CWF19L2: variants seen among roughly 807,000 people sequenced by gnomAD.
CWF19L2 encodes the protein CWF19-like protein 2.
CWF19L2 carries 98 observed loss-of-function variants against 111.7 expected under a neutral mutation model. That is an observed-to-expected ratio of 0.88 (90% CI 0.75 to 1.04). The LOEUF is 1.04. Ranked by LOEUF, CWF19L2 falls within the 50% of genes least tolerant of loss-of-function variation. CWF19L2 has a pLI of 0.00. For synonymous variants in CWF19L2, 351 were observed against 342.9 expected (o/e 1.02, Z -0.26); for missense variants, 1,101 against 1,051.4 (o/e 1.05, Z -0.65).
At chr11:107,434,566 C>G (rs1861513503) in intron 6 of CWF19L2, among the ~76,000 whole-genome samples, 1 of 151,336 alleles carries the variant, frequency 6.6e-6, no homozygotes, top group Admixed American at 6.6e-5. Context: ...TAGCAGAACA[C>G]TGCAATAATC....
rs1433267731 is a variant in CWF19L2 at position 107,429,308 on chromosome 11, T to C, written c.924A>G (p.Val308=). The C allele has an allele frequency of 5.6e-6, 9 of 1,612,410 alleles. No homozygotes were observed. Among genetic ancestry groups the C allele is most frequent in the Non-Finnish European group, 5.9e-6 (7 of 1,179,086 alleles). Residue 308 remains valine (V), a synonymous_variant, in exon 8 of 18, where the codon GTA becomes GTG. Transcript: ENST00000282251. Reference sequence around the variant, plus strand: ...TATCCCTTGAACTGTTACCATATTTTACTAAGTCTGATTCTCTACTTTCTT... The same window carrying C: ...TATCCCTTGAACTGTTACCATATTTCACTAAGTCTGATTCTCTACTTTCTT... ...NCQESRESDL[V]KYGNSSRDRY...
chr11:107,447,947 C>T (rs1426161846), intron 3 of CWF19L2, among the ~76,000 whole-genome samples: 1 of 151,904 alleles, frequency 6.6e-6, no homozygotes, highest in African/African-American at 2.4e-5. Context: ...AACTGAAAAA[C>T]ATTAGAAAGA....
At chr11:107,449,469 G>T (rs147217265) in intron 3 of CWF19L2, among the ~76,000 whole-genome samples, 14 of 151,964 alleles carry the variant, frequency 9.2e-5, no homozygotes, top group Middle Eastern at 3.4e-3. Context: ...TTATTTAAAA[G>T]ATAACTGACT....
chr11:107,331,406 G>C (rs1247758493), intron 16 of CWF19L2, among the ~76,000 whole-genome samples: 2 of 152,156 alleles, frequency 1.3e-5, no homozygotes, highest in East Asian at 3.9e-4. Flanking sequence ...TATCCAGATA[G>C]GCCCAATGTA....
At chr11:107,381,697 C>T (rs1435879781) in intron 12 of CWF19L2, among the ~76,000 whole-genome samples, 1 of 152,102 alleles carries the variant, frequency 6.6e-6, no homozygotes, top group Non-Finnish European at 1.5e-5. Flanking sequence ...TGGTATATCA[C>T]TTAATCTCTC....
intron 10 of CWF19L2, among the ~76,000 whole-genome samples, chr11:107,401,827 AACTAT>A (rs1861003871): frequency 6.6e-6 from 1 of 152,222 alleles, no homozygotes. Flanking sequence ...CCTGATTTCA[AACTAT>A]ACTATAAGGC....
intron 13 of CWF19L2, among the ~76,000 whole-genome samples, chr11:107,353,095 T>C (rs542259979): frequency 7.9e-5 from 12 of 152,246 alleles, no homozygotes; most frequent in African/African-American, 2.9e-4. Flanking sequence ...CCCCCATCAC[T>C]TTCTCCCATT....
At chr11:107,337,430 A>ACTT (rs1859943780) in intron 14 of CWF19L2, among the ~76,000 whole-genome samples, 3 of 150,852 alleles carry the variant, frequency 2.0e-5, no homozygotes, top group Non-Finnish European at 4.4e-5. Context: ...TCCTAGGCCT[A>ACTT]AAGGGCAGCT....
chr11:107,417,758 A>ATT (rs10537173), intron 9 of CWF19L2, among the ~76,000 whole-genome samples: 12 of 146,924 alleles, frequency 8.2e-5, no homozygotes, highest in Admixed American at 5.4e-4. Context: ...AGGTTCGAGA[A>ATT]TTTTTTTTTT....
chr11:107,421,052 A>G (rs1861296569), intron 8 of CWF19L2, among the ~76,000 whole-genome samples: 1 of 152,126 alleles, frequency 6.6e-6, no homozygotes, highest in Non-Finnish European at 1.5e-5. Context: ...AAGCTATACA[A>G]ACAGTCTCAT....
intron 9 of CWF19L2, among the ~76,000 whole-genome samples, chr11:107,416,679 G>A (rs11212215): frequency 0.04 from 6,150 of 152,168 alleles, 157 homozygotes; most frequent in East Asian, 0.11. Flanking sequence ...CTTCTTTATT[G>A]TTGATAATTT....
chr11:107,401,747 G>A (rs480609), intron 10 of CWF19L2, among the ~76,000 whole-genome samples: 26,184 of 151,952 alleles, frequency 0.17, 2,431 homozygotes, highest in Middle Eastern at 0.27. Flanking sequence ...AAAATTCATA[G>A]AAACTAAAAA....
At chr11:107,336,401 C>T (rs1224393648) in intron 15 of CWF19L2, among the ~76,000 whole-genome samples, 157 bp downstream of exon 15, 1 of 152,090 alleles carries the variant, frequency 6.6e-6, no homozygotes, top group Non-Finnish European at 1.5e-5. Context: ...CCCACCTTGG[C>T]CTTCCAAGTG....
chr11:107,417,012 T>A (rs1861236388), intron 9 of CWF19L2, among the ~76,000 whole-genome samples: 1 of 152,230 alleles, frequency 6.6e-6, no homozygotes, highest in Admixed American at 6.5e-5. Context: ...GGAAGTTCAG[T>A]GTTTCCAAGG....
At chr11:107,387,535 G>A (rs1234720440) in intron 12 of CWF19L2, among the ~76,000 whole-genome samples, 3 of 151,892 alleles carry the variant, frequency 2.0e-5, no homozygotes, top group African/African-American at 7.3e-5. Context: ...TCCATGGCCT[G>A]TAAGACACTA....
At chr11:107,343,602 AT>A (rs145117348) in intron 14 of CWF19L2, among the ~76,000 whole-genome samples, 3 of 150,484 alleles carry the variant, frequency 2.0e-5, no homozygotes, top group East Asian at 4.0e-4. Flanking sequence ...TTCTATTTTT[AT>A]TTTTTTTGTT....
chr11:107,448,854 T>C (rs1054654732), intron 3 of CWF19L2, among the ~76,000 whole-genome samples: 6 of 152,146 alleles, frequency 3.9e-5, no homozygotes, highest in African/African-American at 1.4e-4. Flanking sequence ...TTAGACTTTC[T>C]AGCCTCCCAA....
At chr11:107,381,701 A>G (rs958573384) in intron 12 of CWF19L2, among the ~76,000 whole-genome samples, 1 of 152,264 alleles carries the variant, frequency 6.6e-6, no homozygotes, top group East Asian at 1.9e-4. Flanking sequence ...ATATCACTTA[A>G]TCTCTCAAAA....
At chr11:107,417,863 G>A (rs985995513) in intron 9 of CWF19L2, among the ~76,000 whole-genome samples, 40 of 151,792 alleles carry the variant, frequency 2.6e-4, no homozygotes, top group Admixed American at 2.1e-3. Flanking sequence ...AGGTTCAAGC[G>A]ATTCTCCTGC....
Sources: gnomAD v4.1 joint callset for allele counts (sites outside exome capture counted in the v4.1 genomes callset) on GRCh38, gnomAD v4.1.1 for gene constraint, MANE v1.5 for transcripts, NCBI Gene and HGNC (gene_info 2026-07-23, HGNC 2026-07-21) for gene names.